Variants in LRMDA observed in about 807,000 individuals in gnomAD.
The protein encoded by LRMDA is leucine-rich melanocyte differentiation-associated protein.
LRMDA carries 18 observed loss-of-function variants against 29.8 expected under a neutral mutation model. The ratio of observed to expected loss-of-function variants is 0.60; its 90% CI spans 0.42 to 0.90. The LOEUF is 0.90. LRMDA is among the 40% of genes least tolerant of loss of function. The pLI is 0.00. For missense variants in LRMDA, 273 were observed against 273.9 expected, an observed-to-expected ratio of 1.00 and a Z score of 0.02; for synonymous variants, 125 against 109.4, an observed-to-expected ratio of 1.14 and a Z score of -0.89.
Position 75,646,679 on chromosome 10 carries a change from A to G in LRMDA, c.131+208185A>G, listed in dbSNP as rs189789355. The stretch of plus-strand genomic sequence containing the variant: ...AAATAATCAGCCCCCTCTACGGAAC[A>G]AATGCTAGAACATGCTAATGAGGGA... On this transcript the variant is annotated intron_variant, in intron 2 of 6. Coordinates refer to ENST00000611255, the MANE Select transcript of LRMDA (RefSeq NM_001305581.2). Among the ~76,000 whole-genome samples the G allele has an allele frequency of 6.5e-4, 99 of 152,360 alleles. 1 individual carries two copies. The highest frequency in any genetic ancestry group is 2.3e-3 in the African/African-American group (97 of 41,582).
intron 2 of LRMDA, among the ~76,000 whole-genome samples, chr10:75,966,527 G>A (rs1846863627): frequency 6.6e-6 from 1 of 152,180 alleles, no homozygotes. Context: ...TTCCATGAAG[G>A]CAGGGGTCCT....
At chr10:75,771,281 ATT>A in intron 2 of LRMDA, among the ~76,000 whole-genome samples, 1 of 144,972 alleles carries the variant, frequency 6.9e-6, no homozygotes, top group South Asian at 2.2e-4. Flanking sequence ...CCATCCATGC[ATT>A]TTTTTTTTTT....
Position 75,990,239 on chromosome 10 carries a change from C to T in LRMDA, c.132-45769C>T, listed in dbSNP as rs564835043. Among the ~76,000 whole-genome samples the T allele has an allele frequency of 5.6e-4, 85 of 152,284 alleles. 1 individual carries two copies. The highest frequency in any genetic ancestry group is 1.9e-3 in the African/African-American group (80 of 41,564). ...TGTTTTTAATTTCAGAGATTGTTTACCTAAACTGCTGCGTGTCAGATTCCA... is the reference window on the plus strand; with the variant it reads ...TGTTTTTAATTTCAGAGATTGTTTATCTAAACTGCTGCGTGTCAGATTCCA... On this transcript the variant is annotated intron_variant, in intron 2 of 6. Transcript: ENST00000611255.
chr10:75,708,465 T>C (rs1842395991), intron 2 of LRMDA, among the ~76,000 whole-genome samples: 1 of 152,224 alleles, frequency 6.6e-6, no homozygotes, highest in Non-Finnish European at 1.5e-5. Flanking sequence ...AGAAATTGGC[T>C]GCCAGGTGAT....
intron 6 of LRMDA, among the ~76,000 whole-genome samples, chr10:76,440,119 A>G (rs1842286366): frequency 1.3e-5 from 2 of 152,200 alleles, no homozygotes; most frequent in Admixed American, 6.5e-5. Flanking sequence ...AGCGATTAAG[A>G]ATCCAGCATA....
intron 4 of LRMDA, among the ~76,000 whole-genome samples, chr10:76,058,386 C>T (rs1038440937): frequency 6.6e-6 from 1 of 152,194 alleles, no homozygotes; most frequent in Non-Finnish European, 1.5e-5. Context: ...GATAGGGTGC[C>T]ACTGGCTAAC....
At chr10:75,658,395 G>A (rs554694599) in intron 2 of LRMDA, among the ~76,000 whole-genome samples, 162 of 152,046 alleles carry the variant, frequency 1.1e-3, no homozygotes, top group African/African-American at 3.7e-3. Flanking sequence ...AGACTGGAGT[G>A]TTCAGACTAG....
chr10:75,961,625 G>T (rs1326654901), intron 2 of LRMDA, among the ~76,000 whole-genome samples: 1 of 152,202 alleles, frequency 6.6e-6, no homozygotes, highest in Non-Finnish European at 1.5e-5. Flanking sequence ...GGTATAGTAA[G>T]TCATCCTTGA....
chr10:75,715,992 G>A (rs1842495532), intron 2 of LRMDA, among the ~76,000 whole-genome samples: 1 of 152,126 alleles, frequency 6.6e-6, no homozygotes, highest in Non-Finnish European at 1.5e-5. Flanking sequence ...TTAGAATCAC[G>A]AATGTTAGAA....
intron 6 of LRMDA, among the ~76,000 whole-genome samples, chr10:76,511,228 T>C (rs761512187): frequency 1.3e-4 from 20 of 152,132 alleles, no homozygotes; most frequent in Non-Finnish European, 2.8e-4. Context: ...GCTTTTCTAT[T>C]AGATTTGAGT....
At chr10:75,601,877 A>G (rs1386896022) in intron 2 of LRMDA, among the ~76,000 whole-genome samples, 2 of 152,294 alleles carry the variant, frequency 1.3e-5, no homozygotes, top group East Asian at 1.9e-4. Flanking sequence ...TGACCTTGCT[A>G]TATCATCTTC....
At chr10:75,988,164 C>G (rs1847295064) in intron 2 of LRMDA, among the ~76,000 whole-genome samples, 1 of 152,056 alleles carries the variant, frequency 6.6e-6, no homozygotes, top group South Asian at 2.1e-4. Flanking sequence ...ATGGTTGCTC[C>G]CCGCTTTAAA....
chr10:76,082,793 T>C (rs1443906091), intron 5 of LRMDA, among the ~76,000 whole-genome samples: 1 of 152,190 alleles, frequency 6.6e-6, no homozygotes, highest in Non-Finnish European at 1.5e-5. Flanking sequence ...GCTGAATTAA[T>C]ATACTCATAT....
At chr10:75,894,975 C>A (rs1845558872) in intron 2 of LRMDA, among the ~76,000 whole-genome samples, 1 of 152,104 alleles carries the variant, frequency 6.6e-6, no homozygotes, top group Admixed American at 6.5e-5. Flanking sequence ...TAAATTACCC[C>A]AAATCATGTG....
At chr10:75,495,657 CCTGCCA>C (rs1845036227) in intron 2 of LRMDA, among the ~76,000 whole-genome samples, 1 of 152,192 alleles carries the variant, frequency 6.6e-6, no homozygotes. Flanking sequence ...GATCCAGAGT[CCTGCCA>C]CTTATGGGGA....
At chr10:76,518,811 A>G (rs1463767714) in intron 6 of LRMDA, among the ~76,000 whole-genome samples, 4 of 152,224 alleles carry the variant, frequency 2.6e-5, no homozygotes, top group Admixed American at 6.5e-5. Flanking sequence ...TAAGAGATGA[A>G]TAACAAGCTG....
intron 2 of LRMDA, among the ~76,000 whole-genome samples, chr10:75,806,872 T>TGTGTGCTGCTGA (rs1440869151): frequency 1.8e-4 from 28 of 151,588 alleles, no homozygotes; most frequent in Admixed American, 1.3e-3. Context: ...GACCCCACAG[T>TGTGTGCTGCTGA]TCTTCCTATT....
chr10:75,923,750 T>C (rs1364287212), intron 2 of LRMDA, among the ~76,000 whole-genome samples: 2 of 152,188 alleles, frequency 1.3e-5, no homozygotes, highest in African/African-American at 2.4e-5. Flanking sequence ...TTAAGGTGTC[T>C]TAAGACTCCT....
intron 5 of LRMDA, among the ~76,000 whole-genome samples, chr10:76,228,978 A>G (rs1308486448): frequency 2.0e-5 from 3 of 152,236 alleles, no homozygotes; most frequent in Non-Finnish European, 4.4e-5. Flanking sequence ...GGGGAAGGTT[A>G]GCTTAGCTTA....
Sources: gnomAD v4.1 joint callset for allele counts (sites outside exome capture counted in the v4.1 genomes callset) on GRCh38, gnomAD v4.1.1 for gene constraint, MANE v1.5 for transcripts, NCBI Gene and HGNC (gene_info 2026-07-23, HGNC 2026-07-21) for gene names.